The following SCAPER variants were observed in gnomAD, a reference collection of about 807,000 sequenced individuals.
SCAPER encodes the protein S phase cyclin A-associated protein in the endoplasmic reticulum.
SCAPER carries 98 observed loss-of-function variants against 182.2 expected under a neutral mutation model. The observed-to-expected ratio is 0.54, with a 90% CI of 0.46 to 0.64. The LOEUF (loss-of-function observed/expected upper bound fraction) is 0.64. Among genes scored for constraint, SCAPER ranks in the 30% least tolerant of loss-of-function variants. The probability of loss-of-function intolerance (pLI) is 0.00; values close to 1 mark genes in which losing one functional copy is unlikely to be tolerated. For missense variants in SCAPER, 1,432 were observed against 1,690.0 expected (o/e 0.85, Z 2.68); for synonymous variants, 605 against 564.6 (o/e 1.07, Z -1.01).
intron 13 of SCAPER, 32 bp downstream of exon 13, chr15:76,765,305 A>T: frequency 1.3e-6 from 2 of 1,547,874 alleles, no homozygotes; most frequent in Non-Finnish European, 1.8e-6. Flanking sequence ...CCTTGCTGTG[A>T]ACCATTTCAA....
chr15:76,431,961 C>G (rs1430347806), intron 26 of SCAPER, among the ~76,000 whole-genome samples: 1 of 151,990 alleles, frequency 6.6e-6, no homozygotes, highest in Admixed American at 6.6e-5. Context: ...AAAAATACCT[C>G]CTAAAGGAAG....
intron 21 of SCAPER, among the ~76,000 whole-genome samples, chr15:76,627,981 T>C (rs1028346038): frequency 2.0e-5 from 3 of 152,178 alleles, no homozygotes; most frequent in Non-Finnish European, 4.4e-5. Context: ...TAATTGCCAT[T>C]CTGACCGGCA....
At chr15:76,640,432 T>C (rs1198715507) in intron 21 of SCAPER, among the ~76,000 whole-genome samples, 1 of 152,206 alleles carries the variant, frequency 6.6e-6, no homozygotes, top group African/African-American at 2.4e-5. Flanking sequence ...AGTTTAGACA[T>C]AAGCAAGCTA....
At chr15:76,710,182 CAAAGAAATT>C (rs2059486741) in intron 17 of SCAPER, among the ~76,000 whole-genome samples, 1 of 151,964 alleles carries the variant, frequency 6.6e-6, no homozygotes, top group East Asian at 1.9e-4. Flanking sequence ...AAAAAGAAAA[CAAAGAAATT>C]AAAGGCATCC....
intron 20 of SCAPER, among the ~76,000 whole-genome samples, chr15:76,691,173 A>G (rs1246280520): frequency 6.6e-6 from 1 of 152,142 alleles, no homozygotes; most frequent in Non-Finnish European, 1.5e-5. Flanking sequence ...AAAAATGCTC[A>G]GTGGACAGAC....
intron 21 of SCAPER, among the ~76,000 whole-genome samples, chr15:76,626,057 C>A (rs550505908): frequency 6.6e-6 from 1 of 152,142 alleles, no homozygotes; most frequent in South Asian, 2.1e-4. Flanking sequence ...TGTGTTGGGC[C>A]GCATTCAAAG....
chr15:76,396,421 A>T lies in SCAPER; in HGVS notation c.3467+8103T>A, dbSNP rs185128541. On this transcript the variant is annotated intron_variant, in intron 27 of 31. Coordinates refer to ENST00000563290, the MANE Select transcript of SCAPER (RefSeq NM_020843.4). ...CTGACGATTGCTTAGGGTAGTATGG[A>T]CATTTTTAACAATATTGCTGCTTCC... Among the ~76,000 whole-genome samples the T allele has an allele frequency of 2.2e-3, 328 of 152,290 alleles. 1 individual carries two copies. Among genetic ancestry groups the T allele is most frequent in the African/African-American group, 7.6e-3 (314 of 41,570 alleles).
chr15:76,517,676 G>T (rs1484862849), intron 23 of SCAPER, among the ~76,000 whole-genome samples: 1 of 151,940 alleles, frequency 6.6e-6, no homozygotes, highest in African/African-American at 2.4e-5. Flanking sequence ...TATAACCATG[G>T]TATGTTTATC....
In SCAPER at chr15:76,592,283, G is replaced by A. The variant is rs1295488676; in HGVS notation, c.2712-17999C>T. Among the ~76,000 whole-genome samples, 5 of 62,854 alleles carry A rather than the reference G, an allele frequency of 8.0e-5. 2 individuals are homozygous for A. The highest frequency in any genetic ancestry group is 2.9e-4 in the Non-Finnish European group (5 of 17,412). 41.2% of individuals were successfully genotyped at this position (62,854 alleles called of 152,430 possible). ...AGAAATAAAGAGGCATTTCAATTATGACTTTATGTAATTGTTAAAGCAGAG... is the reference window on the plus strand; with the variant it reads ...AGAAATAAAGAGGCATTTCAATTATAACTTTATGTAATTGTTAAAGCAGAG... On this transcript the variant is annotated intron_variant, in intron 22 of 31. Transcript: ENST00000563290.
intron 20 of SCAPER, among the ~76,000 whole-genome samples, chr15:76,692,260 A>G (rs1404384902): frequency 6.6e-6 from 1 of 152,246 alleles, no homozygotes; most frequent in Non-Finnish European, 1.5e-5. Context: ...AAGAAATTAG[A>G]AAATGAGTGG....
chr15:76,771,940 T>G lies in SCAPER; in HGVS notation c.1050A>C (p.Thr350=). Reference sequence around the variant, plus strand: ...TGCCAGAATTCTTCACATCATCCAATGTACTCACTGTGAACTAACAAAACG... The same window carrying G: ...TGCCAGAATTCTTCACATCATCCAAGGTACTCACTGTGAACTAACAAAACG... ...LAEKTQFTVS[T]LDDVKNSGSI... The change falls in exon 10 of 32, where the codon ACA becomes ACC. Residue 350 remains threonine (T), a synonymous_variant. Coordinates refer to ENST00000563290, the MANE Select transcript of SCAPER (RefSeq NM_020843.4). The G allele has an allele frequency of 6.2e-7, 1 of 1,609,622 alleles. No individual in the cohort carries two copies. Among genetic ancestry groups the G allele is most frequent in the Non-Finnish European group, 8.5e-7 (1 of 1,178,514 alleles).
intron 21 of SCAPER, among the ~76,000 whole-genome samples, chr15:76,652,274 ATAT>A (rs1185278551): frequency 2.1e-3 from 22 of 10,622 alleles, no homozygotes; most frequent in Non-Finnish European, 2.4e-3. Flanking sequence ...AAAAAAAAAA[ATAT>A]ATATATATAT....
rs368613580 is a variant in SCAPER, at chr15:76,351,288, C to T, written c.4048G>A (p.Asp1350Asn). 4 of 1,608,018 alleles carry T rather than the reference C, an allele frequency of 2.5e-6. No individual in the cohort carries two copies. Among genetic ancestry groups the T allele is most frequent in the Non-Finnish European group, 8.5e-7 (1 of 1,177,124 alleles). Residue 1350 changes from aspartate (D) to asparagine (N), a missense_variant and splice_region_variant, in exon 31 of 32, where the codon GAT (aspartate) becomes AAT (asparagine). Physicochemically the swap from Asp to Asn is conservative, Grantham distance 23. This residue lies in a region of SCAPER where 718 missense variants were observed against 799.7 expected (regional missense o/e 0.90). Transcript: ENST00000563290. ...SCVLLATFIQ[D>N]LAQTPGQAEN... is the part of the protein sequence containing the mutation. ...GCTTGACCTGGAGTCTGTGCCAAAT[C>T]CTGTATGAGGAGAGAAAAGTGTTTT...
At chr15:76,737,976 C>T (rs1177603489) in intron 15 of SCAPER, among the ~76,000 whole-genome samples, 1 of 152,184 alleles carries the variant, frequency 6.6e-6, no homozygotes, top group Non-Finnish European at 1.5e-5. Flanking sequence ...ATCTTCTATC[C>T]AGACCACTCG....
chr15:76,385,010 A>G (rs992708871), intron 27 of SCAPER, among the ~76,000 whole-genome samples: 1 of 152,230 alleles, frequency 6.6e-6, no homozygotes, highest in Non-Finnish European at 1.5e-5. Context: ...ACATTCTGAG[A>G]TATTTGTAAT....
At chr15:76,805,037 C>G (rs2066053823) in intron 5 of SCAPER, among the ~76,000 whole-genome samples, 1 of 152,138 alleles carries the variant, frequency 6.6e-6, no homozygotes, top group South Asian at 2.1e-4. Context: ...AATAAGATGC[C>G]ATCTTTAAAT....
intron 20 of SCAPER, among the ~76,000 whole-genome samples, chr15:76,683,903 C>T (rs986223129): frequency 2.0e-5 from 3 of 152,116 alleles, no homozygotes; most frequent in African/African-American, 7.2e-5. Flanking sequence ...AGTTGGAGTT[C>T]AGCCTTGTAA....
chr15:76,700,535 C>G (rs2058885028), intron 20 of SCAPER, among the ~76,000 whole-genome samples: 1 of 152,140 alleles, frequency 6.6e-6, no homozygotes, highest in African/African-American at 2.4e-5. Flanking sequence ...AGCTTCAGCC[C>G]AGGGTGTGCC....
At chr15:76,420,235 C>CTTTT (rs71143323) in intron 26 of SCAPER, among the ~76,000 whole-genome samples, 21 of 116,908 alleles carry the variant, frequency 1.8e-4, no homozygotes, top group South Asian at 2.9e-4. Context: ...ATGTTTTTTC[C>CTTTT]TTTTTTTTTT....
Sources: gnomAD v4.1 joint callset for allele counts (sites outside exome capture counted in the v4.1 genomes callset) on GRCh38, gnomAD v4.1.1 for gene constraint, gnomAD v4.1.1 regional missense constraint, MANE v1.5 for transcripts, NCBI Gene and HGNC (gene_info 2026-07-23, HGNC 2026-07-21) for gene names.